The following SMYD3 variants were observed in gnomAD, a reference collection of about 807,000 sequenced individuals.
SMYD3 encodes histone-lysine N-methyltransferase SMYD3.
SMYD3 carries 36 observed loss-of-function variants against 57.7 expected under a neutral mutation model. The observed-to-expected ratio is 0.62, with a 90% CI of 0.48 to 0.82. The LOEUF is 0.82. Among genes scored for constraint, SMYD3 ranks in the 40% least tolerant of loss-of-function variants. SMYD3 has a pLI of 0.00. For missense variants in SMYD3, 515 were observed against 538.8 expected, an observed-to-expected ratio of 0.96 and a Z score of 0.44; for synonymous variants, 211 against 195.0, an observed-to-expected ratio of 1.08 and a Z score of -0.68.
intron 5 of SMYD3, among the ~76,000 whole-genome samples, chr1:246,104,103 A>G (rs575221881): frequency 6.6e-6 from 1 of 152,336 alleles, no homozygotes; most frequent in Admixed American, 6.5e-5. Flanking sequence ...CTCCTTTGAA[A>G]GAAAAGTCTA....
chr1:245,901,534 G>A (rs1243347399), intron 8 of SMYD3, among the ~76,000 whole-genome samples: 1 of 152,180 alleles, frequency 6.6e-6, no homozygotes, highest in Admixed American at 6.5e-5. Context: ...TGTTACATAA[G>A]TGATCTCAAT....
intron 5 of SMYD3, among the ~76,000 whole-genome samples, chr1:246,020,622 G>A (rs1195978531): frequency 6.6e-6 from 1 of 152,142 alleles, no homozygotes; most frequent in Non-Finnish European, 1.5e-5. Flanking sequence ...TTATTGAACT[G>A]AGCGCTATAT....
intron 5 of SMYD3, among the ~76,000 whole-genome samples, chr1:245,936,602 G>A (rs2056990120): frequency 6.6e-6 from 1 of 152,174 alleles, no homozygotes; most frequent in Non-Finnish European, 1.5e-5. Context: ...TTAAAAATTT[G>A]TGTTGATTAA....
intron 5 of SMYD3, among the ~76,000 whole-genome samples, chr1:246,005,830 G>A (rs138220257): frequency 1.9e-4 from 29 of 152,242 alleles, no homozygotes; most frequent in African/African-American, 7.0e-4. Flanking sequence ...ATTACCAGAC[G>A]TCGTCACTGA....
At chr1:246,384,749 C>G (rs58141689) in intron 1 of SMYD3, among the ~76,000 whole-genome samples, 17,587 of 152,176 alleles carry the variant, frequency 0.12, 1,250 homozygotes, top group South Asian at 0.18. Context: ...ATCACAATTA[C>G]TGTCCTTAAA....
At chr1:246,341,206 G>A (rs985506941) in intron 2 of SMYD3, among the ~76,000 whole-genome samples, 6 of 152,054 alleles carry the variant, frequency 3.9e-5, no homozygotes, top group Admixed American at 6.5e-5. Context: ...ACTTTTATAC[G>A]AAAGGGACAG....
At chr1:245,755,180 C>T (rs564438205) in intron 11 of SMYD3, among the ~76,000 whole-genome samples, 81 of 152,316 alleles carry the variant, frequency 5.3e-4, no homozygotes, top group African/African-American at 1.9e-3. Flanking sequence ...ATGCCAGACA[C>T]AGCTACAAGG....
At chr1:246,087,331 C>A (rs1384923366) in intron 5 of SMYD3, among the ~76,000 whole-genome samples, 1 of 152,124 alleles carries the variant, frequency 6.6e-6, no homozygotes, top group Non-Finnish European at 1.5e-5. Flanking sequence ...ACATAAGTTC[C>A]ATGAAGCCAA....
chr1:246,431,062 T>C (rs889773347), intron 1 of SMYD3, among the ~76,000 whole-genome samples: 1 of 152,158 alleles, frequency 6.6e-6, no homozygotes, highest in African/African-American at 2.4e-5. Flanking sequence ...GATGGGGTAG[T>C]CCACACAGGG....
chr1:246,443,945 C>T (rs2067509295), intron 1 of SMYD3, among the ~76,000 whole-genome samples: 1 of 152,070 alleles, frequency 6.6e-6, no homozygotes, highest in African/African-American at 2.4e-5. Context: ...AATCTGCCTT[C>T]CCTATAAACC....
chr1:245,794,113 C>A (rs1254869921), intron 10 of SMYD3, among the ~76,000 whole-genome samples: 2 of 152,174 alleles, frequency 1.3e-5, no homozygotes, highest in African/African-American at 4.8e-5. Flanking sequence ...ATTTTAGTTT[C>A]ATCTTTCAGT....
At chr1:245,804,482 T>C (rs933170309) in intron 10 of SMYD3, among the ~76,000 whole-genome samples, 1 of 152,022 alleles carries the variant, frequency 6.6e-6, no homozygotes, top group African/African-American at 2.4e-5. Flanking sequence ...GGCATGGACC[T>C]GGGAGGCGGA....
intron 5 of SMYD3, among the ~76,000 whole-genome samples, chr1:246,208,986 G>A (rs989491572): frequency 6.6e-6 from 1 of 152,042 alleles, no homozygotes; most frequent in Non-Finnish European, 1.5e-5. Flanking sequence ...TCGCTGTTGA[G>A]TATAGTCTGA....
At chr1:246,301,652 TCTC>T (rs2064893455) in intron 5 of SMYD3, among the ~76,000 whole-genome samples, 1 of 152,260 alleles carries the variant, frequency 6.6e-6, no homozygotes, top group East Asian at 1.9e-4. Flanking sequence ...ATTTCTGACA[TCTC>T]CTAAGCTTTA....
At chr1:246,076,433 T>A (rs1291345691) in intron 5 of SMYD3, among the ~76,000 whole-genome samples, 1 of 152,190 alleles carries the variant, frequency 6.6e-6, no homozygotes, top group Non-Finnish European at 1.5e-5. Context: ...AGTGTGTTTC[T>A]AATATATCCC....
intron 5 of SMYD3, among the ~76,000 whole-genome samples, chr1:246,247,911 C>T (rs1422346843): frequency 1.3e-5 from 2 of 152,116 alleles, no homozygotes; most frequent in East Asian, 1.9e-4. Flanking sequence ...TATGAGCAAA[C>T]GCTATCTGAG....
intron 10 of SMYD3, among the ~76,000 whole-genome samples, chr1:245,841,666 T>A (rs1039713419): frequency 1.3e-5 from 2 of 152,164 alleles, no homozygotes; most frequent in Non-Finnish European, 2.9e-5. Context: ...TATAAAAAAA[T>A]AAAATGTAGT....
At chr1:246,017,154 A>C (rs982070435) in intron 5 of SMYD3, among the ~76,000 whole-genome samples, 4 of 152,148 alleles carry the variant, frequency 2.6e-5, no homozygotes, top group Non-Finnish European at 5.9e-5. Context: ...TGCCACCATT[A>C]ATTTTTATTC....
chr1:245,929,009 A>G (rs2056560669), intron 6 of SMYD3, among the ~76,000 whole-genome samples: 1 of 152,242 alleles, frequency 6.6e-6, no homozygotes, highest in Admixed American at 6.5e-5. Flanking sequence ...CTTGCACTTG[A>G]GCATGTTCAT....
Sources: allele counts gnomAD v4.1 joint callset (sites outside exome capture counted in the v4.1 genomes callset), GRCh38; gene constraint gnomAD v4.1.1; transcripts MANE v1.5; gene names NCBI Gene and HGNC (gene_info 2026-07-23, HGNC 2026-07-21).